Variants in DENND1A observed in about 807,000 individuals in gnomAD.
DENND1A encodes the protein DENN domain containing 1A, also known as DENN domain-containing protein 1A.
DENND1A carries 51 observed loss-of-function variants against 113.7 expected under a neutral mutation model. The observed-to-expected ratio is 0.45, with a 90% CI of 0.36 to 0.57. The LOEUF is 0.57. Ranked by LOEUF, DENND1A falls within the 20% of genes least tolerant of loss-of-function variation. DENND1A has a pLI of 0.00. For missense variants in DENND1A, 1,258 were observed against 1,395.9 expected, an observed-to-expected ratio of 0.90 and a Z score of 1.57; for synonymous variants, 565 against 570.8, an observed-to-expected ratio of 0.99 and a Z score of 0.14.
chr9:123,382,367 T>C lies in DENND1A; in HGVS notation c.2278A>G (p.Ile760Val). The change falls in exon 24 of 24, where the codon ATC (isoleucine) becomes GTC (valine). Residue 760 changes from isoleucine (I) to valine (V), a missense_variant. By Grantham distance (29) the Ile-to-Val change is conservative. Coordinates refer to ENST00000394215, the MANE Select transcript of DENND1A (RefSeq NM_001352964.2). Reference protein sequence around the residue: ...VPTPTLGSITIPRPQGRKTPE... With the variant: ...VPTPTLGSITVPRPQGRKTPE... ...GTCTTCCTGCCTTGGGGCCGGGGGATGGTGATGCTGCCCAGAGTAGGGGTG... is the reference window on the plus strand; with the variant it reads ...GTCTTCCTGCCTTGGGGCCGGGGGACGGTGATGCTGCCCAGAGTAGGGGTG... 6.3e-7 allele frequency: 1 copy of C among 1,599,658 alleles called. No individual in the cohort carries two copies. Among genetic ancestry groups the C allele is most frequent in the Non-Finnish European group, 8.5e-7 (1 of 1,173,020 alleles).
At chr9:123,848,730 G>C (rs993732321) in intron 2 of DENND1A, among the ~76,000 whole-genome samples, 2 of 152,176 alleles carry the variant, frequency 1.3e-5, no homozygotes, top group African/African-American at 4.8e-5. Flanking sequence ...CAGCCCAACT[G>C]CGAATCCAAA....
At chr9:123,781,545 T>C (rs1831318257) in intron 3 of DENND1A, among the ~76,000 whole-genome samples, 1 of 152,182 alleles carries the variant, frequency 6.6e-6, no homozygotes, top group South Asian at 2.1e-4. Flanking sequence ...TTCTTCCTCA[T>C]ACTACATCAG....
In DENND1A at chr9:123,748,268, T is replaced by TA. The variant is rs578103745; in HGVS notation, c.302+9434dup. On this transcript the variant is annotated intron_variant, in intron 5 of 23. Transcript: ENST00000394215. Reference sequence around the variant, plus strand: ...CCCAATTCAGGGAAGGAAACACCCTTAGTCATTATCAGCATGGTGGGATGA... The same window carrying TA: ...CCCAATTCAGGGAAGGAAACACCCTTAAGTCATTATCAGCATGGTGGGATGA... Among the ~76,000 whole-genome samples, 21 of 152,332 alleles carry TA rather than the reference T, an allele frequency of 1.4e-4. No homozygotes were observed. The East Asian group carries it at 3.9e-3, about 28-fold the overall frequency.
chr9:123,403,365 G>A (rs1161681033), intron 21 of DENND1A, 37 bp downstream of exon 21: 1 of 1,608,138 alleles, frequency 6.2e-7, no homozygotes, highest in Non-Finnish European at 8.5e-7. Context: ...GCAGACACAG[G>A]GTTCTTACAG....
intron 21 of DENND1A, among the ~76,000 whole-genome samples, chr9:123,394,830 C>T (rs1320647665): frequency 1.3e-5 from 2 of 152,208 alleles, no homozygotes; most frequent in Admixed American, 1.3e-4. Flanking sequence ...ACCTGCCCCT[C>T]ACCCTGAGGA....
At chr9:123,427,871 G>A (rs529666915) in intron 19 of DENND1A, among the ~76,000 whole-genome samples, 306 of 152,314 alleles carry the variant, frequency 2.0e-3, no homozygotes, top group Non-Finnish European at 3.0e-3. Context: ...TTGCGTGGGA[G>A]TTACTAGGAA....
chr9:123,394,668 C>T (rs1010472584), intron 21 of DENND1A, among the ~76,000 whole-genome samples: 39 of 152,354 alleles, frequency 2.6e-4, no homozygotes, highest in South Asian at 8.3e-4. Context: ...CCAGCATGCC[C>T]GAGAAGCCCT....
intron 2 of DENND1A, among the ~76,000 whole-genome samples, chr9:123,831,776 T>A (rs2132786871): frequency 6.6e-6 from 1 of 152,186 alleles, no homozygotes; most frequent in South Asian, 2.1e-4. Flanking sequence ...TGAGGTCAGG[T>A]GTTCAAGACC....
intron 13 of DENND1A, among the ~76,000 whole-genome samples, chr9:123,537,696 C>T (rs978038129): frequency 5.3e-5 from 8 of 149,692 alleles, no homozygotes; most frequent in Non-Finnish European, 1.2e-4. Flanking sequence ...GACTTATTAA[C>T]AAAATAAAAT....
Position 123,650,419 on chromosome 9 carries a change from T to C in DENND1A, c.618+1594A>G, listed in dbSNP as rs112091204. On this transcript the variant is annotated intron_variant, in intron 9 of 23. Transcript: ENST00000394215. ...TAAGTAAACACATAACTTGATTTTATCCATAGGCCCTTCATTAGGGAACTC... is the reference window on the plus strand; with the variant it reads ...TAAGTAAACACATAACTTGATTTTACCCATAGGCCCTTCATTAGGGAACTC... Among the ~76,000 whole-genome samples, 10 of 152,310 alleles carry C rather than the reference T, an allele frequency of 6.6e-5. 1 individual carries two copies. Among genetic ancestry groups the C allele is most frequent in the African/African-American group, 2.4e-4 (10 of 41,566 alleles).
At chr9:123,738,431 T>C (rs1480394518) in intron 5 of DENND1A, among the ~76,000 whole-genome samples, 1 of 144,992 alleles carries the variant, frequency 6.9e-6, no homozygotes, top group Non-Finnish European at 1.5e-5. Context: ...AAAACTGCCG[T>C]GTCAACAGCT....
chr9:123,766,341 G>A (rs991235802), intron 4 of DENND1A, among the ~76,000 whole-genome samples: 3 of 152,142 alleles, frequency 2.0e-5, no homozygotes, highest in African/African-American at 7.2e-5. Context: ...ACTAGACTGG[G>A]AGGGCAGGGC....
intron 5 of DENND1A, among the ~76,000 whole-genome samples, chr9:123,746,986 G>A (rs369063282): frequency 1.2e-4 from 19 of 152,006 alleles, no homozygotes; most frequent in African/African-American, 3.9e-4. Context: ...CAGTATACTA[G>A]CAAACATACA....
chr9:123,860,029 G>T (rs1844833486), intron 2 of DENND1A, among the ~76,000 whole-genome samples: 1 of 152,150 alleles, frequency 6.6e-6, no homozygotes, highest in South Asian at 2.1e-4. Context: ...ATTAAATATG[G>T]ATGTGAAGGA....
intron 5 of DENND1A, among the ~76,000 whole-genome samples, chr9:123,724,502 C>G (rs887983415): frequency 7.2e-6 from 1 of 139,378 alleles, no homozygotes; most frequent in East Asian, 2.0e-4. Context: ...AAAGACAGGA[C>G]AGAGAAGCAT....
chr9:123,384,735 T>G (rs1036100084), intron 22 of DENND1A, among the ~76,000 whole-genome samples: 58 of 152,104 alleles, frequency 3.8e-4, no homozygotes, highest in Non-Finnish European at 7.8e-4. Flanking sequence ...ATCACTTGAG[T>G]TCAGGAGTTC....
chr9:123,921,238 C>G (rs1216714590), intron 1 of DENND1A, among the ~76,000 whole-genome samples: 1 of 152,158 alleles, frequency 6.6e-6, no homozygotes, highest in East Asian at 1.9e-4. Context: ...AGTCATATCT[C>G]CACTGAGAAC....
At chr9:123,900,591 G>A (rs1851461671) in intron 1 of DENND1A, among the ~76,000 whole-genome samples, 1 of 152,186 alleles carries the variant, frequency 6.6e-6, no homozygotes, top group South Asian at 2.1e-4. Flanking sequence ...GAGAGGTGAG[G>A]GGTGCTATCA....
At chr9:123,660,860 TG>T (rs2063199480) in intron 8 of DENND1A, among the ~76,000 whole-genome samples, 1 of 152,258 alleles carries the variant, frequency 6.6e-6, no homozygotes, top group Non-Finnish European at 1.5e-5. Context: ...GTTTTCAAGC[TG>T]GGGCCATTAG....
Sources: gnomAD v4.1 joint callset for allele counts (sites outside exome capture counted in the v4.1 genomes callset) on GRCh38, gnomAD v4.1.1 for gene constraint, MANE v1.5 for transcripts, NCBI Gene and HGNC (gene_info 2026-07-23, HGNC 2026-07-21) for gene names.